The following HTT variants were observed in gnomAD, a reference collection of about 807,000 sequenced individuals.
HTT encodes the protein huntingtin.
Under a neutral mutation model 362.3 loss-of-function variants are expected in HTT, and 104 were observed. The ratio of observed to expected loss-of-function variants is 0.29; its 90% CI spans 0.24 to 0.34. The LOEUF is 0.34. Among genes scored for constraint, HTT ranks in the 10% least tolerant of loss-of-function variants. The probability of loss-of-function intolerance (pLI) is 1.00; values close to 1 mark genes in which losing one functional copy is unlikely to be tolerated. For synonymous variants in HTT, 1,577 were observed against 1,548.7 expected (o/e 1.02, Z -0.43); for missense variants, 3,301 against 3,928.6 (o/e 0.84, Z 4.27).
intron 40 of HTT, among the ~76,000 whole-genome samples, chr4:3,198,288 C>T (rs1283369139): frequency 5.0e-5 from 7 of 138,860 alleles, no homozygotes; most frequent in African/African-American, 1.7e-4. Context: ...TGCAGTGGCA[C>T]GATCTTGGCC....
At position 3,238,964 on chromosome 4, in the gene HTT, G is replaced by A. The variant is rs1216065359; in HGVS notation, c.9201G>A (p.Pro3067=). Reference sequence around the variant, plus strand: ...TCTTTGTCAGCGCGTCCACCAGCCCGTGGGTCGCGGCGATGTATCCTCTCT... The same window carrying A: ...TCTTTGTCAGCGCGTCCACCAGCCCATGGGTCGCGGCGATGTATCCTCTCT... The part of the protein sequence containing the change: ...SCFFVSASTS[P]WVAAILPHVI... The change falls in exon 66 of 67, where the codon CCG becomes CCA. Residue 3067 remains proline (P), a synonymous_variant. Transcript: ENST00000355072. 8.1e-6 allele frequency: 13 copies of A among 1,606,366 alleles called. No homozygotes were observed. The highest frequency in any genetic ancestry group is 6.7e-5 in the East Asian group (3 of 44,768).
At position 3,240,584 on chromosome 4, in the gene HTT, A is replaced by C. The variant is rs1258995821; in HGVS notation, c.*525A>C. On this transcript the variant is annotated 3_prime_UTR_variant, in exon 67 of 67. Transcript: ENST00000355072. Reference sequence around the variant, plus strand: ...TGGCTGGGGGTGCTAGACACCCGGCACCATTCTCCCTTCTCTCTTTTCTTC... The same window carrying C: ...TGGCTGGGGGTGCTAGACACCCGGCCCCATTCTCCCTTCTCTCTTTTCTTC... 6.3e-6 allele frequency: 1 copy of C among 159,144 alleles called. No individual in the cohort carries two copies. The allele number at this position is 159,144 out of a possible 1,614,324, so 9.9% of individuals were successfully genotyped here.
At chr4:3,144,596 G>A (rs1249656609) in intron 23 of HTT, among the ~76,000 whole-genome samples, 12 of 152,224 alleles carry the variant, frequency 7.9e-5, no homozygotes, top group African/African-American at 2.2e-4. Flanking sequence ...GATTACAGGC[G>A]TGAGCTACTG....
At chr4:3,083,578 C>A (rs1228914600) in intron 1 of HTT, among the ~76,000 whole-genome samples, 1 of 131,888 alleles carries the variant, frequency 7.6e-6, no homozygotes, top group East Asian at 2.2e-4. Context: ...CACACACACA[C>A]ACACACACAT....
intron 1 of HTT, among the ~76,000 whole-genome samples, chr4:3,083,530 T>TATAC (rs1165543364): frequency 3.0e-4 from 37 of 125,124 alleles, no homozygotes; most frequent in Non-Finnish European, 5.2e-4. Context: ...TCTCTAAATA[T>TATAC]ACACACACAC....
At position 3,121,412 on chromosome 4, in the gene HTT, G is replaced by A. The variant is rs758686558; in HGVS notation, c.1253G>A (p.Gly418Glu). The A allele has an allele frequency of 1.2e-6, 2 of 1,613,458 alleles. No individual in the cohort carries two copies. Among genetic ancestry groups the A allele is most frequent in the South Asian group, 1.1e-5 (1 of 91,060 alleles). ...GAGTCTGGTGGCCGAAGCCGTAGTG[G>A]GAGTATTGTGGAACTTATAGGCAAG... ...KEESGGRSRS[G>E]SIVELIAGGG... Residue 418 changes from glycine (G) to glutamate (E), a missense_variant, in exon 9 of 67, where the codon GGG becomes GAG. Transcript: ENST00000355072.
In HTT at chr4:3,154,517, A is replaced by G. The variant is rs908284326; in HGVS notation, c.3625+98A>G. On this transcript the variant is annotated intron_variant, in intron 27 of 66. Transcript: ENST00000355072. ...CTTGGTGTTTTAGAGAAATAAATAT[A>G]ATACACATCAGTAAAGTGAGAGAAA... The G allele has an allele frequency of 2.7e-6, 4 of 1,455,852 alleles. No individual in the cohort carries two copies. In the African/African-American group the frequency reaches 4.3e-5, roughly 16 times the overall value. The allele number at this position is 1,455,852 out of a possible 1,614,324, so 90.2% of individuals were successfully genotyped here.
chr4:3,148,882 G>T (rs1212336808), intron 26 of HTT, among the ~76,000 whole-genome samples: 2 of 152,198 alleles, frequency 1.3e-5, no homozygotes, highest in East Asian at 3.9e-4. Context: ...GCTTGAACCT[G>T]GGAGGCGGAG....
intron 52 of HTT, among the ~76,000 whole-genome samples, chr4:3,219,638 A>G (rs362322): frequency 0.037 from 5,563 of 152,236 alleles, 318 homozygotes; most frequent in African/African-American, 0.12. Context: ...CACTGAAGGC[A>G]TGTAAGCTGA....
chr4:3,122,897 G>T lies in HTT; in HGVS notation c.1282G>T (p.Gly428Cys), dbSNP rs749200813. Reference protein sequence around the residue: ...GSIVELIAGGGSSCSPVLSRK... With the variant: ...GSIVELIAGGCSSCSPVLSRK... The stretch of plus-strand genomic sequence containing the variant: ...CTTTCTGTGATTTGCAGCTGGAGGG[G>T]GTTCCTCATGCAGCCCTGTCCTTTC... The change falls in exon 10 of 67, where the codon GGT becomes TGT. Residue 428 changes from glycine to cysteine, a missense_variant. Transcript: ENST00000355072. The T allele has an allele frequency of 6.2e-7, 1 of 1,608,866 alleles. No homozygotes were observed. Among genetic ancestry groups the T allele is most frequent in the Non-Finnish European group, 8.5e-7 (1 of 1,176,996 alleles).
intron 29 of HTT, among the ~76,000 whole-genome samples, chr4:3,166,661 C>T (rs1481623834): frequency 1.3e-5 from 2 of 152,234 alleles, no homozygotes; most frequent in Non-Finnish European, 2.9e-5. Flanking sequence ...ACCCCTCCCC[C>T]AGCCAAGCTC....
At chr4:3,162,647 T>A (rs940416894) in intron 29 of HTT, among the ~76,000 whole-genome samples, 2 of 152,252 alleles carry the variant, frequency 1.3e-5, no homozygotes, top group Non-Finnish European at 2.9e-5. Flanking sequence ...TCACATCCCT[T>A]GTAAGTTGTC....
chr4:3,174,963 C>T lies in HTT; in HGVS notation c.4263C>T (p.His1421=). ...NRADKNAIHN[H]IRLFEPLVIK... ...TTTTATAGAATGCTATTCATAATCA[C>T]ATTCGTTTGTTTGAACCTCTTGTTA... The change falls in exon 33 of 67, where the codon CAC becomes CAT. Residue 1421 remains histidine, a synonymous_variant. Coordinates refer to ENST00000355072, the MANE Select transcript of HTT (RefSeq NM_001388492.1). The T allele has an allele frequency of 1.9e-6, 3 of 1,600,284 alleles. No individual in the cohort carries two copies. Among genetic ancestry groups the T allele is most frequent in the African/African-American group, 1.3e-5 (1 of 74,592 alleles).
chr4:3,237,967 G>T (rs1219622118), intron 64 of HTT, among the ~76,000 whole-genome samples: 1 of 152,242 alleles, frequency 6.6e-6, no homozygotes, highest in Non-Finnish European at 1.5e-5. Flanking sequence ...GCATTTGCAT[G>T]TGGAAAGCAG....
intron 51 of HTT, among the ~76,000 whole-genome samples, chr4:3,216,034 A>G (rs569994576): frequency 6.6e-6 from 1 of 152,326 alleles, no homozygotes; most frequent in Non-Finnish European, 1.5e-5. Context: ...AGCATCAGGC[A>G]TCTTTTCCAT....
At position 3,240,939 on chromosome 4, in the gene HTT, CG is replaced by C. The variant is rs1721775255; in HGVS notation, c.*883del. 1 of 152,342 alleles carries C rather than the reference CG, an allele frequency of 6.6e-6. No individual in the cohort carries two copies. Among genetic ancestry groups the C allele is most frequent in the Non-Finnish European group, 1.5e-5 (1 of 68,116 alleles). 9.4% of individuals were successfully genotyped at this position (152,342 alleles called of 1,614,324 possible). Reference sequence around the variant, plus strand: ...GCGCTCACCTGCAGCCCCTCCTCCTCGGGCACAGACGACTGTCGTTCTCCAC... The same window carrying C: ...GCGCTCACCTGCAGCCCCTCCTCCTCGGCACAGACGACTGTCGTTCTCCAC... On this transcript the variant is annotated 3_prime_UTR_variant, in exon 67 of 67. Coordinates refer to ENST00000355072, the MANE Select transcript of HTT (RefSeq NM_001388492.1).
At chr4:3,094,932 C>T (rs558976268) in intron 2 of HTT, among the ~76,000 whole-genome samples, 140 of 151,342 alleles carry the variant, frequency 9.3e-4, no homozygotes, top group African/African-American at 3.1e-3. Flanking sequence ...TCAGACGGGG[C>T]GGCGGGGCAG....
At position 3,240,104 on chromosome 4, in the gene HTT, C is replaced by G; in HGVS notation, c.*45C>G. On this transcript the variant is annotated 3_prime_UTR_variant, in exon 67 of 67. Coordinates refer to ENST00000355072, the MANE Select transcript of HTT (RefSeq NM_001388492.1). The stretch of plus-strand genomic sequence containing the variant: ...TGTGAGGCGGCAGCTGGGGCCGGAG[C>G]CTTTGGAAGTCTGCGCCCTTGTGCC... 6 of 1,493,900 alleles carry G rather than the reference C, an allele frequency of 4.0e-6. No individual in the cohort carries two copies. The highest frequency in any genetic ancestry group is 5.5e-6 in the Non-Finnish European group (6 of 1,096,056). The allele number at this position is 1,493,900 out of a possible 1,614,324, so 92.5% of individuals were successfully genotyped here.
chr4:3,091,468 G>A (rs1387543555), intron 2 of HTT, among the ~76,000 whole-genome samples: 1 of 152,224 alleles, frequency 6.6e-6, no homozygotes, highest in African/African-American at 2.4e-5. Context: ...GTGGAATATA[G>A]TTCAATATGT....
Sources: allele counts gnomAD v4.1 joint callset (sites outside exome capture counted in the v4.1 genomes callset), GRCh38; gene constraint gnomAD v4.1.1; transcripts MANE v1.5; gene names NCBI Gene and HGNC (gene_info 2026-07-23, HGNC 2026-07-21).